The following MERTK variants were observed in gnomAD, a reference collection of about 807,000 sequenced individuals.
MERTK encodes tyrosine-protein kinase Mer.
Under a neutral mutation model 99.3 loss-of-function variants are expected in MERTK, and 69 were observed. The ratio of observed to expected loss-of-function variants is 0.70; its 90% CI spans 0.57 to 0.85. The LOEUF (loss-of-function observed/expected upper bound fraction) is 0.85. MERTK is among the 40% of genes least tolerant of loss of function. The pLI is 0.00. For synonymous variants in MERTK, 426 were observed against 467.6 expected (o/e 0.91, Z 1.15); for missense variants, 1,125 against 1,249.4 (o/e 0.90, Z 1.50).
intron 16 of MERTK, 74 bp downstream of exon 16, chr2:112,019,596 C>G: frequency 8.8e-7 from 1 of 1,135,296 alleles, no homozygotes; most frequent in Non-Finnish European, 1.3e-6. Context: ...GTGAGAGGAC[C>G]TGTTCCTGTT....
chr2:112,008,816 T>G, intron 14 of MERTK: 1 of 370,688 alleles, frequency 2.7e-6, no homozygotes, highest in Non-Finnish European at 5.1e-6. Flanking sequence ...ATGCATGAGT[T>G]AGATAGCAGT....
intron 2 of MERTK, among the ~76,000 whole-genome samples, chr2:111,942,859 A>C (rs571134322): frequency 1.3e-5 from 2 of 152,354 alleles, no homozygotes; most frequent in Admixed American, 6.5e-5. Context: ...TGACCCCCCG[A>C]GTTCTGACTG....
In MERTK at chr2:112,028,985, CA is replaced by C; in HGVS notation, c.*122del. On this transcript the variant is annotated 3_prime_UTR_variant, in exon 19 of 19. Transcript: ENST00000295408. ...CCAAGTGAACTCCATGGCCCCAAAG[CA>C]CCAGATGAATGTTGTTAAGTAAGCT... 1 of 1,580,338 alleles carries C rather than the reference CA, an allele frequency of 6.3e-7. No individual in the cohort carries two copies. Among genetic ancestry groups the C allele is most frequent in the South Asian group, 1.2e-5 (1 of 86,612 alleles).
chr2:111,964,360 C>G (rs961803320), intron 4 of MERTK, among the ~76,000 whole-genome samples: 2 of 141,970 alleles, frequency 1.4e-5, no homozygotes, highest in African/African-American at 5.1e-5. Context: ...CATGCCCCAT[C>G]ATTGTCTCGT....
At chr2:111,907,794 A>C (rs899568295) in intron 1 of MERTK, among the ~76,000 whole-genome samples, 1 of 152,254 alleles carries the variant, frequency 6.6e-6, no homozygotes, top group Non-Finnish European at 1.5e-5. Context: ...AAACTGTAGA[A>C]TGCAACGCTC....
rs746780532 is a variant in MERTK, at chr2:112,001,228, A to G, written c.1632A>G (p.Glu544=). The G allele has an allele frequency of 6.8e-6, 11 of 1,613,574 alleles. No homozygotes were observed. Among genetic ancestry groups the G allele is most frequent in the Admixed American group, 3.3e-5 (2 of 59,994 alleles). ...FGNAFTEEDS[E]LVVNYIAKKS... is the part of the protein sequence containing the mutation. ...ATGCATTCACAGAGGAGGATTCTGA[A>G]TTAGTGGTGAATTATATAGCAAAGA... Residue 544 remains glutamate (E), a synonymous_variant, in exon 11 of 19, where the codon GAA becomes GAG. Transcript: ENST00000295408.
chr2:112,016,718 T>G (rs1013025220), intron 15 of MERTK, among the ~76,000 whole-genome samples: 2 of 152,172 alleles, frequency 1.3e-5, no homozygotes, highest in African/African-American at 2.4e-5. Flanking sequence ...TAATAACATA[T>G]GCATCACACA....
chr2:111,991,934 C>T (rs7571009), intron 8 of MERTK, among the ~76,000 whole-genome samples: 93,999 of 151,946 alleles, frequency 0.62, 29,450 homozygotes, highest in Middle Eastern at 0.7. Context: ...GACGGTCTTT[C>T]GCTATAATGT....
chr2:111,899,332 G>C (rs957732163), intron 1 of MERTK, among the ~76,000 whole-genome samples: 16 of 152,244 alleles, frequency 1.1e-4, no homozygotes, highest in African/African-American at 3.1e-4. Context: ...CGACGGGCCA[G>C]GGGGGGACGG....
chr2:111,933,473 A>G (rs1684710089), intron 2 of MERTK, among the ~76,000 whole-genome samples: 1 of 152,238 alleles, frequency 6.6e-6, no homozygotes, highest in South Asian at 2.1e-4. Context: ...GGCAGAGAAC[A>G]TAGATGTATA....
chr2:111,985,737 T>C (rs891105181), intron 8 of MERTK, among the ~76,000 whole-genome samples: 2 of 152,068 alleles, frequency 1.3e-5, no homozygotes, highest in Admixed American at 1.3e-4. Flanking sequence ...CGAGACTCAC[T>C]GTCAAGAGAA....
At chr2:111,999,794 G>A (rs983819604) in intron 10 of MERTK, among the ~76,000 whole-genome samples, 12 of 152,222 alleles carry the variant, frequency 7.9e-5, no homozygotes, top group Admixed American at 3.9e-4. Context: ...GGCTGAGTCC[G>A]AAAAAGGAGT....
At position 111,921,714 on chromosome 2, in the gene MERTK, A is replaced by G. The variant is rs181420247; in HGVS notation, c.62-7406A>G. ...GCAAAGAACCTCTAGGAACTGAAAG[A>G]TAAGCCCTCACTCTTTTGCAGCCTC... On this transcript the variant is annotated intron_variant, in intron 1 of 18. Transcript: ENST00000295408. Among the ~76,000 whole-genome samples the G allele has an allele frequency of 2.9e-3, 434 of 152,200 alleles. 2 individuals carry two copies. Among genetic ancestry groups the G allele is most frequent in the African/African-American group, 6.3e-3 (261 of 41,532 alleles).
chr2:111,944,070 G>A (rs543495681), intron 2 of MERTK, among the ~76,000 whole-genome samples: 183 of 152,186 alleles, frequency 1.2e-3, no homozygotes, highest in African/African-American at 4.3e-3. Flanking sequence ...AGGCCAAGGT[G>A]GGTGGATCCC....
chr2:111,929,753 ATTTTTTTTTT>A (rs72180817), intron 2 of MERTK, among the ~76,000 whole-genome samples: 4 of 143,292 alleles, frequency 2.8e-5, no homozygotes, highest in Middle Eastern at 3.6e-3. Flanking sequence ...CACCCAGCTA[ATTTTTTTTTT>A]TTTTTTTTTG....
rs557489402 is a variant in MERTK at position 112,001,737 on chromosome 2, G to A, written c.1690+451G>A. 9.2e-5 allele frequency among the ~76,000 whole-genome samples: 14 copies of A among 152,156 alleles called. No homozygotes were observed. The South Asian group carries it at 1.9e-3, about 20-fold the overall frequency. On this transcript the variant is annotated intron_variant, in intron 11 of 18. Transcript: ENST00000295408. ...AGTGGGGGCTTCTGGTTTAAACAGC[G>A]GAAATAAACAGACACTAGTGTTCCT... is the stretch of plus-strand genomic sequence containing the variant.
rs1377496924 is a variant in MERTK at position 111,901,383 on chromosome 2, A to G, written c.61+2587A>G. Reference sequence around the variant, plus strand: ...GATATTGTAACATGTATTCCAGTATATTGTAAACATCTTCCCAGAGGGAAC... The same window carrying G: ...GATATTGTAACATGTATTCCAGTATGTTGTAAACATCTTCCCAGAGGGAAC... On this transcript the variant is annotated intron_variant, in intron 1 of 18. Transcript: ENST00000295408. Among the ~76,000 whole-genome samples, 5 of 152,264 alleles carry G rather than the reference A, an allele frequency of 3.3e-5. No homozygotes were observed. In the East Asian group the frequency reaches 7.7e-4, roughly 23 times the overall value.
chr2:111,931,462 C>T (rs1057259045), intron 2 of MERTK, among the ~76,000 whole-genome samples: 4 of 152,154 alleles, frequency 2.6e-5, no homozygotes, highest in Admixed American at 6.5e-5. Context: ...CCGAGGCAGG[C>T]GGATCACGAG....
Position 112,028,256 on chromosome 2 carries a change from A to G in MERTK, c.2487-95A>G. The G allele has an allele frequency of 3.7e-6, 5 of 1,336,900 alleles. No individual in the cohort carries two copies. The South Asian group carries it at 4.9e-5, about 13-fold the overall frequency. The allele number at this position is 1,336,900 out of a possible 1,614,324, so 82.8% of individuals were successfully genotyped here. A position where few individuals can be genotyped will look rare whatever the true frequency, so the allele number is the denominator to read the frequency against. On this transcript the variant is annotated intron_variant, in intron 18 of 18. Coordinates refer to ENST00000295408, the MANE Select transcript of MERTK (RefSeq NM_006343.3). ...ATAAAAAGTAGAATGAATGCTGATTAAAATGTGATAAAGATTCTGTAAAAA... is the reference window on the plus strand; with the variant it reads ...ATAAAAAGTAGAATGAATGCTGATTGAAATGTGATAAAGATTCTGTAAAAA...
Sources: allele counts gnomAD v4.1 joint callset (sites outside exome capture counted in the v4.1 genomes callset), GRCh38; gene constraint gnomAD v4.1.1; transcripts MANE v1.5; gene names NCBI Gene and HGNC (gene_info 2026-07-23, HGNC 2026-07-21).